MTUS2: variants seen among roughly 807,000 people sequenced by gnomAD.
The protein encoded by MTUS2 is microtubule associated scaffold protein 2.
MTUS2 carries 40 observed loss-of-function variants against 114.1 expected under a neutral mutation model. The ratio of observed to expected loss-of-function variants is 0.35; its 90% confidence interval spans 0.27 to 0.46. MTUS2 has a LOEUF of 0.46. Among genes scored for constraint, MTUS2 ranks in the 20% least tolerant of loss-of-function variants. The pLI is 1.00. For synonymous variants in MTUS2, 688 were observed against 672.0 expected, an observed-to-expected ratio of 1.02 and a Z score of -0.37; for missense variants, 1,679 against 1,705.4, an observed-to-expected ratio of 0.98 and a Z score of 0.27.
intron 2 of MTUS2, among the ~76,000 whole-genome samples, chr13:28,884,111 C>T (rs1878451403): frequency 6.6e-6 from 1 of 152,116 alleles, no homozygotes; most frequent in Admixed American, 6.6e-5. Flanking sequence ...CACTCATGTT[C>T]ATAGCAGCAT....
intron 9 of MTUS2, among the ~76,000 whole-genome samples, chr13:29,447,754 A>G (rs893110691): frequency 2.0e-5 from 3 of 151,608 alleles, no homozygotes; most frequent in African/African-American, 7.3e-5. Flanking sequence ...GGTTGTGGGG[A>G]TTAAAGGGCA....
intron 5 of MTUS2, among the ~76,000 whole-genome samples, chr13:29,238,941 C>T (rs1010616766): frequency 2.0e-5 from 3 of 152,094 alleles, no homozygotes; most frequent in Admixed American, 1.3e-4. Flanking sequence ...TAGTGATTGT[C>T]AGGGGATGGA....
intron 5 of MTUS2, among the ~76,000 whole-genome samples, chr13:29,277,496 G>A (rs1236628007): frequency 1.3e-5 from 2 of 152,196 alleles, no homozygotes; most frequent in Non-Finnish European, 2.9e-5. Flanking sequence ...TACAGGTTTA[G>A]TATACCAGGA....
At chr13:29,420,247 C>G (rs1268086862) in intron 8 of MTUS2, among the ~76,000 whole-genome samples, 1 of 147,646 alleles carries the variant, frequency 6.8e-6, no homozygotes, top group Non-Finnish European at 1.5e-5. Context: ...TACTTTCTTT[C>G]TTTCTTTCTT....
chr13:29,016,170 A>G (rs1177780163), intron 2 of MTUS2, among the ~76,000 whole-genome samples: 1 of 152,114 alleles, frequency 6.6e-6, no homozygotes, highest in Non-Finnish European at 1.5e-5. Flanking sequence ...CCCAAGATGC[A>G]GGGATTACAG....
chr13:29,245,694 AT>A (rs34670074), intron 5 of MTUS2, among the ~76,000 whole-genome samples: 2,870 of 125,464 alleles, frequency 0.023, 40 homozygotes, highest in African/African-American at 0.074. Flanking sequence ...ATCTATTTTA[AT>A]TTTTTTTTTT....
chr13:29,415,522 T>A (rs991117203), intron 8 of MTUS2, among the ~76,000 whole-genome samples: 9 of 152,250 alleles, frequency 5.9e-5, no homozygotes, highest in Non-Finnish European at 1.0e-4. Flanking sequence ...GATTGCTACC[T>A]CTGCTTTCTT....
At chr13:29,115,501 C>T (rs1683596287) in intron 5 of MTUS2, among the ~76,000 whole-genome samples, 1 of 152,158 alleles carries the variant, frequency 6.6e-6, no homozygotes, top group South Asian at 2.1e-4. Context: ...ACCAGACTCA[C>T]TAAAGACTAG....
chr13:29,426,710 T>A (rs3125725), intron 8 of MTUS2, among the ~76,000 whole-genome samples: 33,603 of 152,172 alleles, frequency 0.22, 4,225 homozygotes, highest in East Asian at 0.51. Flanking sequence ...TAGATGAGTT[T>A]GGCTTGTTTT....
intron 2 of MTUS2, among the ~76,000 whole-genome samples, chr13:28,870,596 G>T (rs556297942): frequency 6.6e-5 from 10 of 152,324 alleles, no homozygotes; most frequent in Non-Finnish European, 1.3e-4. Context: ...GATTAAATTT[G>T]CAGTTGATCA....
chr13:28,900,995 T>C (rs1296358038), intron 2 of MTUS2, among the ~76,000 whole-genome samples: 5 of 152,226 alleles, frequency 3.3e-5, no homozygotes, highest in Admixed American at 6.5e-5. Context: ...CAGTTTACAT[T>C]CCCACAGTAC....
chr13:29,127,257 C>T (rs547010572), intron 5 of MTUS2, among the ~76,000 whole-genome samples: 120 of 152,264 alleles, frequency 7.9e-4, no homozygotes, highest in Non-Finnish European at 1.5e-3. Flanking sequence ...CTGGATTTCC[C>T]CTCTGGGTTG....
At chr13:28,919,261 T>A (rs1880912656) in intron 2 of MTUS2, among the ~76,000 whole-genome samples, 1 of 152,198 alleles carries the variant, frequency 6.6e-6, no homozygotes, top group South Asian at 2.1e-4. Context: ...AGTGCAGTGT[T>A]GCTGAAATCA....
intron 8 of MTUS2, among the ~76,000 whole-genome samples, chr13:29,397,065 A>G (rs561806823): frequency 6.6e-6 from 1 of 152,154 alleles, no homozygotes; most frequent in African/African-American, 2.4e-5. Context: ...GGATAGGGAA[A>G]TGGCAGGGCT....
At chr13:29,196,029 T>G (rs1894683033) in intron 5 of MTUS2, among the ~76,000 whole-genome samples, 3 of 151,634 alleles carry the variant, frequency 2.0e-5, no homozygotes, top group Admixed American at 1.3e-4. Flanking sequence ...ATTTGAGAGG[T>G]GCAAGCCCAG....
At chr13:28,982,720 A>G (rs1462041220) in intron 2 of MTUS2, among the ~76,000 whole-genome samples, 2 of 152,254 alleles carry the variant, frequency 1.3e-5, no homozygotes, top group Admixed American at 6.5e-5. Context: ...GACACGTGCT[A>G]CAACATGGAT....
intron 2 of MTUS2, among the ~76,000 whole-genome samples, chr13:28,853,258 A>G (rs915830990): frequency 2.0e-5 from 3 of 152,222 alleles, no homozygotes; most frequent in African/African-American, 2.4e-5. Flanking sequence ...CTGATGATAT[A>G]TTTGTTAACT....
intron 5 of MTUS2, among the ~76,000 whole-genome samples, chr13:29,232,011 C>T (rs1896342706): frequency 6.6e-6 from 1 of 152,034 alleles, no homozygotes; most frequent in Non-Finnish European, 1.5e-5. Flanking sequence ...AATAAAAGCA[C>T]AGTTTGACAA....
chr13:29,227,231 C>T (rs1896142308), intron 5 of MTUS2, among the ~76,000 whole-genome samples: 1 of 133,644 alleles, frequency 7.5e-6, no homozygotes, highest in Non-Finnish European at 1.5e-5. Flanking sequence ...TGCACTCCAG[C>T]CTTTGCAACA....
Sources: allele counts gnomAD v4.1 joint callset (sites outside exome capture counted in the v4.1 genomes callset), GRCh38; gene constraint gnomAD v4.1.1; transcripts MANE v1.5; gene names NCBI Gene and HGNC (gene_info 2026-07-23, HGNC 2026-07-21).